Variants in PCDH15 observed in about 807,000 individuals in gnomAD.
PCDH15 encodes protocadherin-15.
PCDH15 carries 129 observed loss-of-function variants against 178.5 expected under a neutral mutation model. The ratio of observed to expected loss-of-function variants is 0.72; its 90% CI spans 0.63 to 0.84. The LOEUF is 0.84. Ranked by LOEUF, PCDH15 falls within the 40% of genes least tolerant of loss-of-function variation. PCDH15 has a pLI of 0.00. For synonymous variants in PCDH15, 800 were observed against 732.0 expected, an observed-to-expected ratio of 1.09 and a Z score of -1.50; for missense variants, 2,230 against 2,099.9, an observed-to-expected ratio of 1.06 and a Z score of -1.21.
At chr10:54,739,942 T>C (rs962628596) in intron 1 of PCDH15, among the ~76,000 whole-genome samples, 2 of 152,008 alleles carry the variant, frequency 1.3e-5, no homozygotes, top group African/African-American at 4.8e-5. Context: ...GAAGAAAACA[T>C]TGGGGAAACA....
intron 9 of PCDH15, among the ~76,000 whole-genome samples, chr10:54,226,931 T>G (rs926187504): frequency 4.6e-5 from 7 of 152,184 alleles, no homozygotes; most frequent in Non-Finnish European, 1.0e-4. Flanking sequence ...CAGGTCACAC[T>G]GATGTAAGTG....
intron 2 of PCDH15, among the ~76,000 whole-genome samples, chr10:54,575,537 G>A (rs1314397109): frequency 1.3e-5 from 2 of 151,956 alleles, no homozygotes; most frequent in African/African-American, 2.4e-5. Flanking sequence ...TATATCTTGG[G>A]AAATAAAATA....
intron 26 of PCDH15, among the ~76,000 whole-genome samples, chr10:53,898,863 C>G (rs1270887151): frequency 6.6e-6 from 1 of 152,066 alleles, no homozygotes; most frequent in African/African-American, 2.4e-5. Context: ...AAAATAATAC[C>G]TAAATAAAAC....
intron 2 of PCDH15, among the ~76,000 whole-genome samples, chr10:54,622,075 G>A (rs1336978332): frequency 1.0e-5 from 1 of 97,694 alleles, no homozygotes; most frequent in East Asian, 2.7e-4. Flanking sequence ...TATAAGGTGA[G>A]TGATATATAG....
Position 55,509,856 on chromosome 10 carries a change from T to A in PCDH15, c.-156+117769A>T, listed in dbSNP as rs577246877. Among the ~76,000 whole-genome samples the A allele has an allele frequency of 9.9e-5, 15 of 152,034 alleles. No homozygotes were observed. In the South Asian group the frequency reaches 3.1e-3, roughly 32 times the overall value. On this transcript the variant is annotated intron_variant, in intron 2 of 5. Transcript: ENST00000613346. ...AACTGTGACTTTGAGTCACAAATCA[T>A]AGAGCTATTGAAACTCCCAGCTGGA...
intron 1 of PCDH15, among the ~76,000 whole-genome samples, chr10:54,753,374 G>C (rs929076242): frequency 6.6e-6 from 1 of 151,988 alleles, no homozygotes; most frequent in African/African-American, 2.4e-5. Flanking sequence ...AGCAGAGACG[G>C]GGTTTCACCA....
chr10:54,044,010 C>G (rs756386479), intron 18 of PCDH15, among the ~76,000 whole-genome samples: 3 of 152,074 alleles, frequency 2.0e-5, no homozygotes, highest in Non-Finnish European at 4.4e-5. Context: ...GCAGCATGTT[C>G]TAACTGTCCC....
At chr10:54,806,303 T>C (rs2133723134) in intron 3 of PCDH15, among the ~76,000 whole-genome samples, 1 of 152,278 alleles carries the variant, frequency 6.6e-6, no homozygotes, top group African/African-American at 2.4e-5. Flanking sequence ...TTTTAGTAGC[T>C]TGAAGCAACA....
intron 2 of PCDH15, among the ~76,000 whole-genome samples, chr10:54,647,514 C>T (rs2094156207): frequency 6.6e-6 from 1 of 151,912 alleles, no homozygotes; most frequent in South Asian, 2.1e-4. Context: ...AAGGTAGAAC[C>T]TCTACTTGAC....
intron 1 of PCDH15, among the ~76,000 whole-genome samples, chr10:55,201,469 T>C: frequency 6.6e-6 from 1 of 152,182 alleles, no homozygotes; most frequent in Non-Finnish European, 1.5e-5. Flanking sequence ...CCTTAAATTA[T>C]GTCAATTGCA....
chr10:54,213,672 A>G (rs192550496), intron 10 of PCDH15, among the ~76,000 whole-genome samples: 131 of 152,272 alleles, frequency 8.6e-4, no homozygotes, highest in Non-Finnish European at 1.5e-3. Context: ...ATTGTGTAGA[A>G]TTGTATACGC....
At chr10:54,103,791 G>A (rs1032043537) in intron 15 of PCDH15, among the ~76,000 whole-genome samples, 5 of 152,064 alleles carry the variant, frequency 3.3e-5, no homozygotes, top group African/African-American at 1.2e-4. Context: ...ATTAAATGCA[G>A]AATCCCTACT....
chr10:54,017,045 C>CG (rs2092762608), intron 20 of PCDH15, among the ~76,000 whole-genome samples: 1 of 152,040 alleles, frequency 6.6e-6, no homozygotes, highest in Non-Finnish European at 1.5e-5. Context: ...TTTTTTGAGA[C>CG]GGAGTTTCAC....
At chr10:54,214,920 A>C (rs1345067498) in intron 9 of PCDH15, among the ~76,000 whole-genome samples, 1 of 152,162 alleles carries the variant, frequency 6.6e-6, no homozygotes, top group Non-Finnish European at 1.5e-5. Context: ...TATTTTAATA[A>C]TCAATATACA....
upstream of PCDH15, among the ~76,000 whole-genome samples, chr10:55,320,967 A>G (rs1288959307): frequency 6.6e-6 from 1 of 152,158 alleles, no homozygotes; most frequent in South Asian, 2.1e-4. Context: ...AAAGCAGAAT[A>G]TGGATATTCA....
chr10:55,139,687 GC>G (rs890974914), intron 2 of PCDH15, among the ~76,000 whole-genome samples: 21 of 151,892 alleles, frequency 1.4e-4, no homozygotes, highest in Non-Finnish European at 1.3e-4. Flanking sequence ...AGTCCTGATT[GC>G]TATACATTAA....
chr10:54,751,081 A>C, intron 1 of PCDH15, among the ~76,000 whole-genome samples: 1 of 152,156 alleles, frequency 6.6e-6, no homozygotes, highest in East Asian at 1.9e-4. Flanking sequence ...TCTATAAAGT[A>C]GTAAATTAAG....
intron 3 of PCDH15, among the ~76,000 whole-genome samples, chr10:54,868,534 A>G (rs1318467232): frequency 6.6e-6 from 1 of 152,100 alleles, no homozygotes; most frequent in African/African-American, 2.4e-5. Flanking sequence ...GCTTCATCAG[A>G]TCACATTCCA....
At chr10:54,467,821 T>C (rs2077632969) in intron 3 of PCDH15, among the ~76,000 whole-genome samples, 1 of 151,752 alleles carries the variant, frequency 6.6e-6, no homozygotes. Context: ...TTGGGAGACT[T>C]TTTATTGTTG....
Sources: allele counts gnomAD v4.1 joint callset (sites outside exome capture counted in the v4.1 genomes callset), GRCh38; gene constraint gnomAD v4.1.1; transcripts MANE v1.5; gene names NCBI Gene and HGNC (gene_info 2026-07-23, HGNC 2026-07-21).